Variants in STARD13 observed in about 807,000 individuals in gnomAD.
STARD13 encodes the protein StAR related lipid transfer domain containing 13.
STARD13 carries 62 observed loss-of-function variants against 106.4 expected under a neutral mutation model. The observed-to-expected ratio is 0.58, with a 90% CI of 0.48 to 0.72. The LOEUF (loss-of-function observed/expected upper bound fraction) is 0.72. STARD13 is among the 30% of genes least tolerant of loss of function. The probability of loss-of-function intolerance (pLI) is 0.00; values close to 1 mark genes in which losing one functional copy is unlikely to be tolerated. For synonymous variants in STARD13, 565 were observed against 553.0 expected (o/e 1.02, Z -0.31); for missense variants, 1,387 against 1,424.0 (o/e 0.97, Z 0.42).
At chr13:33,220,516 CCTCGT>C (rs1331622956) in intron 1 of STARD13, among the ~76,000 whole-genome samples, 1 of 152,044 alleles carries the variant, frequency 6.6e-6, no homozygotes, top group Non-Finnish European at 1.5e-5. Flanking sequence ...CATAGTGAAA[CCTCGT>C]CTCTACTAAA....
At chr13:33,586,493 A>T in the STARD13 span, among the ~76,000 whole-genome samples, 1 of 152,158 alleles carries the variant, frequency 6.6e-6, no homozygotes, top group Non-Finnish European at 1.5e-5. Flanking sequence ...GAGGATTGCT[A>T]ATCTTCAACA....
the STARD13 span, among the ~76,000 whole-genome samples, chr13:33,505,372 A>T: frequency 6.6e-6 from 1 of 152,188 alleles, no homozygotes; most frequent in Non-Finnish European, 1.5e-5. Flanking sequence ...ATAAGTAATT[A>T]AAAATTCATA....
chr13:33,245,494 T>G (rs1463977016), intron 1 of STARD13, among the ~76,000 whole-genome samples: 1 of 152,226 alleles, frequency 6.6e-6, no homozygotes, highest in Non-Finnish European at 1.5e-5. Context: ...ATGCTCAGAA[T>G]GGAGGCTTTC....
chr13:33,382,269 T>A, the STARD13 span, among the ~76,000 whole-genome samples: 3 of 152,170 alleles, frequency 2.0e-5, no homozygotes, highest in African/African-American at 7.2e-5. Context: ...GTTATAGAAG[T>A]TGTGCCGAAT....
Position 33,129,297 on chromosome 13 carries a change from G to A in STARD13, c.1380C>T (p.Asp460=), listed in dbSNP as rs763067333. 4 of 1,614,142 alleles carry A rather than the reference G, an allele frequency of 2.5e-6. No individual in the cohort carries two copies. Among genetic ancestry groups the A allele is most frequent in the South Asian group, 2.2e-5 (2 of 91,084 alleles). The change falls in exon 5 of 14, where the codon GAC becomes GAT. Residue 460 remains aspartate, a synonymous_variant. Coordinates refer to ENST00000336934, the MANE Select transcript of STARD13 (RefSeq NM_178006.4). ...CATACAGATGGGAGCCAGGGACATT[G>A]TCATAGATACTGACTCGGCTGGCTC... is the stretch of plus-strand genomic sequence containing the variant. ...CHRASRVSIY[D]NVPGSHLYAS... is the part of the protein sequence containing the mutation.
the STARD13 span, among the ~76,000 whole-genome samples, chr13:33,489,361 T>G: frequency 9.2e-3 from 1,394 of 151,744 alleles, 20 homozygotes; most frequent in African/African-American, 0.032. Flanking sequence ...TTTGTGTTAT[T>G]AAGTTATCTC....
At chr13:33,464,039 ATATG>A in the STARD13 span, among the ~76,000 whole-genome samples, 17 of 136,102 alleles carry the variant, frequency 1.2e-4, no homozygotes, top group African/African-American at 2.7e-4. Flanking sequence ...ATATATATAT[ATATG>A]TATATGTATA....
At chr13:33,437,940 C>T in the STARD13 span, among the ~76,000 whole-genome samples, 1 of 152,046 alleles carries the variant, frequency 6.6e-6, no homozygotes, top group Non-Finnish European at 1.5e-5. Context: ...TGTAGTAGAC[C>T]GAACTCTCAT....
chr13:33,658,969 C>T, the STARD13 span, among the ~76,000 whole-genome samples: 2 of 152,090 alleles, frequency 1.3e-5, no homozygotes, highest in Admixed American at 6.6e-5. Flanking sequence ...CTCCTGATAG[C>T]TGAACATGTG....
the STARD13 span, among the ~76,000 whole-genome samples, chr13:33,553,319 A>G: frequency 1.3e-5 from 2 of 151,992 alleles, no homozygotes; most frequent in African/African-American, 4.8e-5. Flanking sequence ...CTTACAACTC[A>G]GAAGTAGGCA....
chr13:33,395,558 T>C, the STARD13 span, among the ~76,000 whole-genome samples: 3 of 152,166 alleles, frequency 2.0e-5, no homozygotes, highest in Non-Finnish European at 2.9e-5. Flanking sequence ...ACCCTAACTA[T>C]GCTGGCGTTT....
intron 1 of STARD13, among the ~76,000 whole-genome samples, chr13:33,217,120 G>A (rs1182106742): frequency 6.6e-6 from 1 of 152,170 alleles, no homozygotes; most frequent in South Asian, 2.1e-4. Flanking sequence ...CTCGTTGGCT[G>A]GCTTCAGGTC....
At chr13:33,321,097 G>C (rs1458544374) in intron 1 of STARD13, among the ~76,000 whole-genome samples, 1 of 152,040 alleles carries the variant, frequency 6.6e-6, no homozygotes, top group Non-Finnish European at 1.5e-5. Context: ...CATTATTATT[G>C]CTTAAAACTG....
the STARD13 span, among the ~76,000 whole-genome samples, chr13:33,521,298 T>C: frequency 6.6e-6 from 1 of 152,108 alleles, no homozygotes; most frequent in Non-Finnish European, 1.5e-5. Flanking sequence ...TGAATGAAGG[T>C]ACACTAGATT....
At chr13:33,404,562 AG>A in the STARD13 span, among the ~76,000 whole-genome samples, 1 of 152,214 alleles carries the variant, frequency 6.6e-6, no homozygotes, top group Non-Finnish European at 1.5e-5. Context: ...AGCTACTTAA[AG>A]GCATGACTAA....
rs79111326 is a variant in STARD13 at position 33,193,103 on chromosome 13, G to T, written c.170-25481C>A. Among the ~76,000 whole-genome samples the T allele has an allele frequency of 5.3e-3, 811 of 151,906 alleles. 7 individuals carry two copies. Among genetic ancestry groups the T allele is most frequent in the African/African-American group, 0.018 (739 of 41,418 alleles). ...TAAAACATCTTTTTAAAAGAAGGAGGGTATAAATTATAAATAAAAATGCAA... is the reference window on the plus strand; with the variant it reads ...TAAAACATCTTTTTAAAAGAAGGAGTGTATAAATTATAAATAAAAATGCAA... On this transcript the variant is annotated intron_variant, in intron 1 of 13. Coordinates refer to ENST00000336934, the MANE Select transcript of STARD13 (RefSeq NM_178006.4).
chr13:33,419,461 C>T, the STARD13 span, among the ~76,000 whole-genome samples: 3 of 152,000 alleles, frequency 2.0e-5, no homozygotes, highest in Non-Finnish European at 2.9e-5. Context: ...AAGAAATACG[C>T]GACTATGTGA....
the STARD13 span, among the ~76,000 whole-genome samples, chr13:33,375,841 G>A: frequency 6.6e-6 from 1 of 151,960 alleles, no homozygotes; most frequent in Non-Finnish European, 1.5e-5. Context: ...AACCATATCA[G>A]CCCCCTTTCA....
chr13:33,119,527 G>A (rs544865984), intron 7 of STARD13, among the ~76,000 whole-genome samples: 1 of 152,204 alleles, frequency 6.6e-6, no homozygotes, highest in Non-Finnish European at 1.5e-5. Flanking sequence ...TGCAACAAAT[G>A]GAGAGCAGTC....
Sources: allele counts gnomAD v4.1 joint callset (sites outside exome capture counted in the v4.1 genomes callset), GRCh38; gene constraint gnomAD v4.1.1; transcripts MANE v1.5; gene names NCBI Gene and HGNC (gene_info 2026-07-23, HGNC 2026-07-21).